SMG6: variants seen among roughly 807,000 people sequenced by gnomAD.
SMG6 encodes the protein SMG6 nonsense mediated mRNA decay factor.
Under a neutral mutation model 142.2 loss-of-function variants are expected in SMG6, and 66 were observed. The ratio of observed to expected loss-of-function variants is 0.46; its 90% CI spans 0.38 to 0.57. The LOEUF is 0.57. Ranked by LOEUF, SMG6 falls within the 20% of genes least tolerant of loss-of-function variation. The pLI is 0.00. For synonymous variants in SMG6, 779 were observed against 702.4 expected, an observed-to-expected ratio of 1.11 and a Z score of -1.72; for missense variants, 1,793 against 1,832.0, an observed-to-expected ratio of 0.98 and a Z score of 0.39.
intron 13 of SMG6, among the ~76,000 whole-genome samples, chr17:2,165,771 G>T (rs1419937640): frequency 6.6e-6 from 1 of 152,170 alleles, no homozygotes; most frequent in East Asian, 1.9e-4. Context: ...CAGGTGAGGT[G>T]ACGCTTGCCT....
chr17:2,271,236 A>T lies in SMG6; in HGVS notation c.2661+11411T>A, dbSNP rs2074537092. On this transcript the variant is annotated intron_variant, in intron 8 of 18. Transcript: ENST00000263073. ...ATCCCGAGTAGCTGGAATTACAGGC[A>T]TGCACCACTATGCCCGGCTAATTTT... 2.0e-5 allele frequency among the ~76,000 whole-genome samples: 3 copies of T among 151,010 alleles called. No homozygotes were observed. The South Asian group carries it at 6.3e-4, about 32-fold the overall frequency.
intron 13 of SMG6, among the ~76,000 whole-genome samples, chr17:2,123,075 T>C (rs1424981514): frequency 6.6e-6 from 1 of 152,202 alleles, no homozygotes; most frequent in Admixed American, 6.5e-5. Context: ...CGCTAGACAA[T>C]GCTGCCGCAT....
chr17:2,162,519 A>C (rs1319022248), intron 13 of SMG6, among the ~76,000 whole-genome samples: 1 of 11,672 alleles, frequency 8.6e-5, no homozygotes, highest in Non-Finnish European at 2.3e-4. Flanking sequence ...CCATCTCAGA[A>C]AAAAAAAAAA....
chr17:2,164,239 A>G lies in SMG6; in HGVS notation c.3357+8419T>C, dbSNP rs1011762318. On this transcript the variant is annotated intron_variant, in intron 13 of 18. Transcript: ENST00000263073. ...GGAGTTTGAGACCAGCTTGGCCAAC[A>G]TGGTGAAACCCCATCTCTACTAAAA... Among the ~76,000 whole-genome samples, 151 of 151,184 alleles carry G rather than the reference A, an allele frequency of 1.0e-3. 1 individual carries two copies. Among genetic ancestry groups the G allele is most frequent in the Admixed American group, 9.9e-3 (150 of 15,140 alleles).
chr17:2,279,328 A>C (rs1462225712), intron 8 of SMG6, among the ~76,000 whole-genome samples: 2 of 152,206 alleles, frequency 1.3e-5, no homozygotes, highest in African/African-American at 4.8e-5. Flanking sequence ...AAAGGAAGAA[A>C]AGTATGAAAA....
intron 10 of SMG6, among the ~76,000 whole-genome samples, chr17:2,203,994 T>C (rs559683868): frequency 2.6e-5 from 4 of 152,264 alleles, no homozygotes; most frequent in African/African-American, 9.6e-5. Context: ...GATGGGGTCT[T>C]GCTCTGTTGC....
At chr17:2,088,219 T>C in intron 13 of SMG6, 1 of 985,148 alleles carries the variant, frequency 1.0e-6, no homozygotes, top group Non-Finnish European at 1.2e-6. Context: ...ACGGGCTACA[T>C]GGTATGCTGC....
intron 10 of SMG6, among the ~76,000 whole-genome samples, chr17:2,216,422 C>T (rs896760500): frequency 6.6e-6 from 1 of 152,168 alleles, no homozygotes; most frequent in Non-Finnish European, 1.5e-5. Context: ...TCTACTGTAA[C>T]ATTACCATCT....
intron 15 of SMG6, among the ~76,000 whole-genome samples, chr17:2,080,476 C>T (rs1597352432): frequency 6.6e-6 from 1 of 152,176 alleles, no homozygotes; most frequent in East Asian, 1.9e-4. Context: ...GTATTTATTC[C>T]TCTTCCCTGG....
At chr17:2,291,187 C>T (rs934942961) in intron 6 of SMG6, among the ~76,000 whole-genome samples, 1 of 152,098 alleles carries the variant, frequency 6.6e-6, no homozygotes, top group Non-Finnish European at 1.5e-5. Flanking sequence ...AAAAACTAGC[C>T]GGGCGTGGTG....
At chr17:2,282,614 G>C in intron 8 of SMG6, 33 bp downstream of exon 8, 2 of 1,603,766 alleles carry the variant, frequency 1.2e-6, no homozygotes, top group Non-Finnish European at 1.7e-6. Context: ...TACTGAGCTA[G>C]TTTGGCTCAT....
Position 2,287,653 on chromosome 17 carries a change from T to G in SMG6, c.2338-3918A>C, listed in dbSNP as rs558596284. On this transcript the variant is annotated intron_variant, in intron 6 of 18. Coordinates refer to ENST00000263073, the MANE Select transcript of SMG6 (RefSeq NM_017575.5). ...CCAACAGATGGAAGCAATCCAAGTA[T>G]CCATCAATGGGTGAACGTACATATA... Among the ~76,000 whole-genome samples the G allele has an allele frequency of 2.6e-5, 4 of 152,294 alleles. No individual in the cohort carries two copies. The East Asian group carries it at 7.7e-4, about 29-fold the overall frequency.
chr17:2,247,072 A>G (rs1315889120), intron 8 of SMG6, among the ~76,000 whole-genome samples: 1 of 152,210 alleles, frequency 6.6e-6, no homozygotes. Context: ...AGATCTCTAG[A>G]TTTCCTAGTA....
chr17:2,287,590 T>C (rs773432924), intron 6 of SMG6, among the ~76,000 whole-genome samples: 10 of 152,220 alleles, frequency 6.6e-5, no homozygotes, highest in East Asian at 5.8e-4. Context: ...GAGATTTTAT[T>C]TGAACACCCA....
intron 9 of SMG6, chr17:2,236,849 G>A: frequency 8.0e-7 from 1 of 1,256,566 alleles, no homozygotes; most frequent in South Asian, 3.1e-5. Context: ...AGTTTTCAGG[G>A]TCCAGAGATG....
At chr17:2,162,724 A>G (rs2071221208) in intron 13 of SMG6, among the ~76,000 whole-genome samples, 1 of 152,124 alleles carries the variant, frequency 6.6e-6, no homozygotes, top group Admixed American at 6.6e-5. Context: ...TCTACCTATC[A>G]GCCATCCTTC....
intron 8 of SMG6, among the ~76,000 whole-genome samples, chr17:2,267,903 A>C (rs1984664): frequency 0.42 from 63,148 of 151,454 alleles, 14,164 homozygotes; most frequent in African/African-American, 0.59. Flanking sequence ...GCCTGCCACC[A>C]CACCCGGCTA....
At chr17:2,136,491 T>C (rs2151561455) in intron 13 of SMG6, among the ~76,000 whole-genome samples, 1 of 152,348 alleles carries the variant, frequency 6.6e-6, no homozygotes, top group East Asian at 1.9e-4. Flanking sequence ...ATGTTTCCTT[T>C]TCGCCTGCTC....
At position 2,085,877 on chromosome 17, in the gene SMG6, C is replaced by T. The variant is rs776744911; in HGVS notation, c.3382G>A (p.Val1128Ile). ...DKVIAADCKR[V>I]TVLKYFLEAL... Reference sequence around the variant, plus strand: ...TCCAGAAAATACTTCAGCACTGTGACCCTTTTGCAGTCAGCTGCAATAACC... The same window carrying T: ...TCCAGAAAATACTTCAGCACTGTGATCCTTTTGCAGTCAGCTGCAATAACC... Residue 1128 changes from valine (V) to isoleucine (I), a missense_variant, in exon 14 of 19, where the codon GTC becomes ATC. Coordinates refer to ENST00000263073, the MANE Select transcript of SMG6 (RefSeq NM_017575.5). The surrounding 1 kb of genome is among the most constrained non-coding windows in gnomAD (Gnocchi z 4.1). 3 of 1,614,158 alleles carry T rather than the reference C, an allele frequency of 1.9e-6. No individual in the cohort carries two copies. The highest frequency in any genetic ancestry group is 1.1e-5 in the South Asian group (1 of 91,080).
Sources: gnomAD v4.1 joint callset for allele counts (sites outside exome capture counted in the v4.1 genomes callset) on GRCh38, gnomAD v4.1.1 for gene constraint, Gnocchi (gnomAD v3.1) non-coding constraint, MANE v1.5 for transcripts, NCBI Gene and HGNC (gene_info 2026-07-23, HGNC 2026-07-21) for gene names.